SLC12A6: variants seen among roughly 807,000 people sequenced by gnomAD.
SLC12A6 encodes solute carrier family 12 member 6.
In SLC12A6, 66 loss-of-function variants were observed where a neutral mutation model predicts 135.3. That is an observed-to-expected ratio of 0.49 (90% CI 0.40 to 0.60). The LOEUF is 0.60. Ranked by LOEUF, SLC12A6 falls within the 20% of genes least tolerant of loss-of-function variation. The pLI is 0.00. For synonymous variants in SLC12A6, 513 were observed against 508.8 expected (o/e 1.01, Z -0.11); for missense variants, 1,058 against 1,452.3 (o/e 0.73, Z 4.41).
chr15:34,247,893 A>G (rs1184784211), intron 13 of SLC12A6, among the ~76,000 whole-genome samples: 2 of 152,076 alleles, frequency 1.3e-5, no homozygotes, highest in Admixed American at 1.3e-4. Flanking sequence ...CTGTAGTGAC[A>G]AAGTCTTGCT....
At chr15:34,234,218 T>C (rs1219046400) in intron 25 of SLC12A6, among the ~76,000 whole-genome samples, 1 of 152,148 alleles carries the variant, frequency 6.6e-6, no homozygotes, top group Non-Finnish European at 1.5e-5. Flanking sequence ...GAAGTGTTAC[T>C]CTAAATAAGA....
In SLC12A6 at chr15:34,319,124, A is replaced by G. The variant is rs1387983589; in HGVS notation, c.271+17286T>C. ...TTTCACACAAGAAAGATTAGAGAACAGTTAACTTTTTTTTTTTTTTTTTTT... is the reference window on the plus strand; with the variant it reads ...TTTCACACAAGAAAGATTAGAGAACGGTTAACTTTTTTTTTTTTTTTTTTT... On this transcript the variant is annotated intron_variant, in intron 2 of 25. Transcript: ENST00000354181. Among the ~76,000 whole-genome samples the G allele has an allele frequency of 2.0e-5, 3 of 149,396 alleles. No homozygotes were observed. In the East Asian group the frequency reaches 5.9e-4, roughly 29 times the overall value.
Position 34,230,932 on chromosome 15 carries a change from A to AAACT in SLC12A6, c.*2945_*2948dup, listed in dbSNP as rs1199070853. On this transcript the variant is annotated 3_prime_UTR_variant, in exon 26 of 26. Transcript: ENST00000354181. ...TCTCCAACCACAAACAGCACTTCTA[A>AAACT]AACTAACTTTACTTTCTGCCCATAA... The AAACT allele has an allele frequency of 6.6e-6, 1 of 152,320 alleles. No individual in the cohort carries two copies. The highest frequency in any genetic ancestry group is 1.5e-5 in the Non-Finnish European group (1 of 68,042). 9.4% of individuals were successfully genotyped at this position (152,320 alleles called of 1,614,324 possible).
At chr15:34,271,114 G>GA (rs750086142) in intron 3 of SLC12A6, among the ~76,000 whole-genome samples, 2 of 152,144 alleles carry the variant, frequency 1.3e-5, no homozygotes, top group Non-Finnish European at 2.9e-5. Context: ...TGAGTGGGGG[G>GA]AGACACAGCC....
At position 34,254,514 on chromosome 15, in the gene SLC12A6, T is replaced by C. The variant is rs139990908; in HGVS notation, c.952A>G (p.Met318Val). ...LKESAAMLNN[M>V]RVYGTAFLVL... ...AAGAAAGCTGTGCCGTAGACACGCA[T>C]GTTATTTAGCATGGCTGCTGATTCC... Residue 318 changes from methionine (M) to valine (V), a missense_variant, in exon 9 of 26, where the codon ATG becomes GTG. Physicochemically the swap from Met to Val is conservative, Grantham distance 21 (BLOSUM62 1). This residue lies in a region of SLC12A6 where 297 missense variants were observed against 318.5 expected (regional missense o/e 0.93). Transcript: ENST00000354181. The C allele has an allele frequency of 7.9e-5, 128 of 1,612,816 alleles. No homozygotes were observed. Among genetic ancestry groups the C allele is most frequent in the Non-Finnish European group, 9.8e-5 (115 of 1,178,890 alleles).
At position 34,245,699 on chromosome 15, in the gene SLC12A6, A is replaced by C. The variant is rs1452309571; in HGVS notation, c.1818T>G (p.Phe606Leu). The part of the protein sequence containing the change: ...QAIAKDNIIP[F>L]LRVFGHSKAN... ...ATAATAAAAGGTCACTCACCCTCAG[A>C]AACGGTATGATGTTATCCTTGGCAA... The change falls in exon 14 of 26, where the codon TTT (phenylalanine) becomes TTG (leucine). Residue 606 changes from phenylalanine (F) to leucine (L), a missense_variant. By Grantham distance (22) the Phe-to-Leu change is conservative. Coordinates refer to ENST00000354181, the MANE Select transcript of SLC12A6 (RefSeq NM_001365088.1). 6.2e-7 allele frequency: 1 copy of C among 1,613,274 alleles called. No individual in the cohort carries two copies.
intron 2 of SLC12A6, among the ~76,000 whole-genome samples, chr15:34,309,399 T>C (rs1887989955): frequency 2.0e-5 from 3 of 152,214 alleles, no homozygotes; most frequent in Admixed American, 6.5e-5. Flanking sequence ...GCAATATGCA[T>C]ATTTTATAGC....
At chr15:34,308,466 A>T (rs1159249613) in intron 2 of SLC12A6, among the ~76,000 whole-genome samples, 1 of 152,012 alleles carries the variant, frequency 6.6e-6, no homozygotes, top group African/African-American at 2.4e-5. Context: ...CTCTACTAAG[A>T]ATATGAAAAT....
At chr15:34,297,630 C>T (rs1252384824) in intron 2 of SLC12A6, among the ~76,000 whole-genome samples, 2 of 152,080 alleles carry the variant, frequency 1.3e-5, no homozygotes, top group South Asian at 2.1e-4. Flanking sequence ...CACAGGGAGA[C>T]GTGCAACATT....
intron 7 of SLC12A6, among the ~76,000 whole-genome samples, chr15:34,255,807 T>A (rs2705346): frequency 0.25 from 37,058 of 148,116 alleles, 4,763 homozygotes; most frequent in South Asian, 0.36. Flanking sequence ...GTCACCTCTG[T>A]AAAAAAAAAA....
rs770431267 is a variant in SLC12A6, at chr15:34,252,272, T to A, written c.1231A>T (p.Asn411Tyr). 2.1e-5 allele frequency: 34 copies of A among 1,602,244 alleles called. No homozygotes were observed. Among genetic ancestry groups the A allele is most frequent in the Non-Finnish European group, 2.7e-5 (31 of 1,169,302 alleles). The change falls in exon 10 of 26, where the codon AAC (asparagine) becomes TAC (tyrosine). Residue 411 changes from asparagine (N) to tyrosine (Y), a missense_variant. Physicochemically the swap from Asn to Tyr is moderately radical, Grantham distance 143. Transcript: ENST00000354181. ...VPSKLWGFFC[N>Y]SSQFFNATCD... ...GTGGCATTGAAAAATTGACTCGAGT[T>A]ACAGAAGAATCCCCATAACTTTGAT... is the stretch of plus-strand genomic sequence containing the variant.
intron 3 of SLC12A6, among the ~76,000 whole-genome samples, chr15:34,275,070 C>T (rs989968955): frequency 6.6e-6 from 1 of 151,966 alleles, no homozygotes; most frequent in African/African-American, 2.4e-5. Context: ...TCTTCTTTTC[C>T]AAATTATCTT....
Position 34,235,280 on chromosome 15 carries a change from C to G in SLC12A6, c.3262G>C (p.Val1088Leu), listed in dbSNP as rs1301415307. 6.2e-7 allele frequency: 1 copy of G among 1,613,054 alleles called. No individual in the cohort carries two copies. The highest frequency in any genetic ancestry group is 8.5e-7 in the Non-Finnish European group (1 of 1,179,100). ...TTAACTATAACCTCGTTGAGTTTCA[C>G]TGCTGTATGCATCCGCCTCACATTG... is the stretch of plus-strand genomic sequence containing the variant. ...QSNVRRMHTAVKLNEVIVNKS... is the reference protein window; with the variant it reads ...QSNVRRMHTALKLNEVIVNKS... Residue 1088 changes from valine to leucine, a missense_variant, in exon 25 of 26, where the codon GTG (valine) becomes CTG (leucine). Physicochemically the swap from Val to Leu is conservative, Grantham distance 32. Around this residue, in one of 6 missense-constraint regions of SLC12A6, gnomAD observed 245 missense variants for 440.8 expected, o/e 0.56. Transcript: ENST00000354181.
chr15:34,299,921 T>C (rs894338268), intron 2 of SLC12A6, among the ~76,000 whole-genome samples: 4 of 152,104 alleles, frequency 2.6e-5, no homozygotes, highest in Non-Finnish European at 5.9e-5. Context: ...ATTACTGTAA[T>C]GGATGGCTTT....
chr15:34,275,220 G>C, intron 3 of SLC12A6, 125 bp downstream of exon 3: 1 of 595,852 alleles, frequency 1.7e-6, no homozygotes, highest in Non-Finnish European at 3.1e-6. Flanking sequence ...CAGGAAAAAA[G>C]TTGTTGGGTG....
intron 3 of SLC12A6, among the ~76,000 whole-genome samples, chr15:34,262,080 C>T (rs1427099577): frequency 6.6e-6 from 1 of 152,188 alleles, no homozygotes; most frequent in Non-Finnish European, 1.5e-5. Context: ...TGAAACCCAA[C>T]CTTCAAGCCA....
At chr15:34,290,259 T>C (rs111230256) in intron 2 of SLC12A6, among the ~76,000 whole-genome samples, 3 of 152,300 alleles carry the variant, frequency 2.0e-5, no homozygotes, top group African/African-American at 7.2e-5. Flanking sequence ...CAGGAGCAGG[T>C]TGTTCATTTT....
chr15:34,238,983 C>T lies in SLC12A6; in HGVS notation c.2614G>A (p.Ala872Thr), dbSNP rs771970835. 28 of 1,613,998 alleles carry T rather than the reference C, an allele frequency of 1.7e-5. No individual in the cohort carries two copies. Among genetic ancestry groups the T allele is most frequent in the Middle Eastern group, 1.7e-4 (1 of 6,058 alleles). ...NGWRQSEDARAWKTFIGTVRV... is the reference protein window; with the variant it reads ...NGWRQSEDARTWKTFIGTVRV... Reference sequence around the variant, plus strand: ...TTAGTACCAATAAAAGTCTTCCAAGCGCGGGCATCTTCGCTTTGACGCCAG... The same window carrying T: ...TTAGTACCAATAAAAGTCTTCCAAGTGCGGGCATCTTCGCTTTGACGCCAG... Residue 872 changes from alanine (A) to threonine (T), a missense_variant, in exon 20 of 26, where the codon GCT becomes ACT. This residue lies in a region of SLC12A6 where 245 missense variants were observed against 440.8 expected (regional missense o/e 0.56). Coordinates refer to ENST00000354181, the MANE Select transcript of SLC12A6 (RefSeq NM_001365088.1).
intron 2 of SLC12A6, among the ~76,000 whole-genome samples, chr15:34,335,366 AG>A (rs2141205596): frequency 6.6e-6 from 1 of 152,358 alleles, no homozygotes; most frequent in Admixed American, 6.5e-5. Context: ...TGAACCCTTT[AG>A]GTTAAAAGGA....
Sources: allele counts gnomAD v4.1 joint callset (sites outside exome capture counted in the v4.1 genomes callset), GRCh38; gene constraint gnomAD v4.1.1; regional missense constraint gnomAD v4.1.1; transcripts MANE v1.5; gene names NCBI Gene and HGNC (gene_info 2026-07-23, HGNC 2026-07-21).